The following ZMAT4 variants were observed in gnomAD, a reference collection of about 807,000 sequenced individuals.
The protein encoded by ZMAT4 is zinc finger matrin-type protein 4.
ZMAT4 carries 17 observed loss-of-function variants against 28.7 expected under a neutral mutation model. The observed-to-expected ratio is 0.59, with a 90% CI of 0.41 to 0.89. ZMAT4 has a LOEUF of 0.89. Among genes scored for constraint, ZMAT4 ranks in the 40% least tolerant of loss-of-function variants. The pLI is 0.00. For missense variants in ZMAT4, 240 were observed against 283.8 expected, an observed-to-expected ratio of 0.85 and a Z score of 1.11; for synonymous variants, 117 against 109.2, an observed-to-expected ratio of 1.07 and a Z score of -0.44.
intron 6 of ZMAT4, among the ~76,000 whole-genome samples, chr8:40,533,733 G>A (rs1802764155): frequency 6.6e-6 from 1 of 152,178 alleles, no homozygotes; most frequent in African/African-American, 2.4e-5. Flanking sequence ...GCTTTGAAAT[G>A]TTTGAAATTT....
intron 6 of ZMAT4, among the ~76,000 whole-genome samples, chr8:40,574,502 G>A (rs1804197644): frequency 6.6e-6 from 1 of 152,126 alleles, no homozygotes; most frequent in South Asian, 2.1e-4. Context: ...TATAAGTAAG[G>A]AGACAACAGC....
chr8:40,822,980 G>A (rs1004066651), intron 2 of ZMAT4, among the ~76,000 whole-genome samples: 1 of 152,136 alleles, frequency 6.6e-6, no homozygotes, highest in African/African-American at 2.4e-5. Flanking sequence ...ACAGGAAAAC[G>A]TGCAAAATAT....
At chr8:40,790,287 A>T (rs1736108336) in intron 2 of ZMAT4, among the ~76,000 whole-genome samples, 1 of 152,234 alleles carries the variant, frequency 6.6e-6, no homozygotes, top group Non-Finnish European at 1.5e-5. Flanking sequence ...AAGCTTCTAG[A>T]TCTAATTGGT....
intron 1 of ZMAT4, among the ~76,000 whole-genome samples, chr8:40,856,811 G>T (rs1215151767): frequency 2.6e-5 from 4 of 152,162 alleles, no homozygotes; most frequent in African/African-American, 9.7e-5. Context: ...AGGTCAGGGA[G>T]ATCTGGTCAG....
At chr8:40,813,451 C>T (rs1440145308) in intron 2 of ZMAT4, among the ~76,000 whole-genome samples, 1 of 152,244 alleles carries the variant, frequency 6.6e-6, no homozygotes, top group African/African-American at 2.4e-5. Flanking sequence ...CTAAGACCTG[C>T]TCTGCCTGCT....
At chr8:40,616,237 A>G (rs1806002015) in intron 5 of ZMAT4, among the ~76,000 whole-genome samples, 1 of 152,222 alleles carries the variant, frequency 6.6e-6, no homozygotes, top group South Asian at 2.1e-4. Context: ...TCAGGAAACA[A>G]CAGTGCTGGA....
At chr8:40,674,403 T>A (rs775952911) in intron 5 of ZMAT4, 7 of 308,744 alleles carry the variant, frequency 2.3e-5, no homozygotes, top group Non-Finnish European at 4.2e-5. Context: ...TACAAAAGCA[T>A]TTGGTAAAGA....
At chr8:40,807,709 A>G (rs1815144751) in intron 2 of ZMAT4, among the ~76,000 whole-genome samples, 1 of 152,126 alleles carries the variant, frequency 6.6e-6, no homozygotes, top group Admixed American at 6.6e-5. Flanking sequence ...CACTGAGAAA[A>G]CATTTCATGA....
intron 5 of ZMAT4, among the ~76,000 whole-genome samples, chr8:40,602,823 T>C (rs930769726): frequency 4.6e-5 from 7 of 152,240 alleles, no homozygotes; most frequent in African/African-American, 1.4e-4. Flanking sequence ...CTTCGTCAGA[T>C]GCATAGTGTG....
chr8:40,586,311 A>G (rs926468662), intron 5 of ZMAT4, among the ~76,000 whole-genome samples: 1 of 152,206 alleles, frequency 6.6e-6, no homozygotes, highest in Non-Finnish European at 1.5e-5. Context: ...GCGCAACACC[A>G]TATTAAGAGT....
At chr8:40,757,792 G>A (rs1184446059) in intron 3 of ZMAT4, among the ~76,000 whole-genome samples, 2 of 152,142 alleles carry the variant, frequency 1.3e-5, no homozygotes, top group Non-Finnish European at 2.9e-5. Flanking sequence ...GTGTCTGTGA[G>A]GTGTTGCCAA....
intron 3 of ZMAT4, among the ~76,000 whole-genome samples, chr8:40,721,093 G>A (rs1435291749): frequency 2.0e-4 from 28 of 142,946 alleles, no homozygotes; most frequent in Middle Eastern, 3.6e-3. Context: ...TCGTCATCTA[G>A]CATTAGGTAT....
Position 40,896,206 on chromosome 8 carries a change from G to A in ZMAT4, c.-5+1477C>T, listed in dbSNP as rs190343484. 1.8e-4 allele frequency among the ~76,000 whole-genome samples: 28 copies of A among 152,304 alleles called. No homozygotes were observed. The East Asian group carries it at 3.3e-3, about 18-fold the overall frequency. ...GGTTAAAGAAAATAAGAATTAAAAAGTGGAAGGGATTTGTGGAGCTGGAGA... is the reference window on the plus strand; with the variant it reads ...GGTTAAAGAAAATAAGAATTAAAAAATGGAAGGGATTTGTGGAGCTGGAGA... On this transcript the variant is annotated intron_variant, in intron 1 of 6. Coordinates refer to ENST00000297737, the MANE Select transcript of ZMAT4 (RefSeq NM_024645.3).
At chr8:40,882,699 A>G (rs1214676630) in intron 1 of ZMAT4, among the ~76,000 whole-genome samples, 1 of 152,022 alleles carries the variant, frequency 6.6e-6, no homozygotes, top group Non-Finnish European at 1.5e-5. Flanking sequence ...TGGCACCTGC[A>G]CTCCATCTAA....
intron 1 of ZMAT4, among the ~76,000 whole-genome samples, chr8:40,876,172 C>A (rs1818035249): frequency 6.6e-6 from 1 of 152,192 alleles, no homozygotes; most frequent in Non-Finnish European, 1.5e-5. Context: ...TTCTTATTTT[C>A]TTCTGTCCCT....
At chr8:40,699,025 C>A (rs6994153) in intron 3 of ZMAT4, among the ~76,000 whole-genome samples, 22 of 152,116 alleles carry the variant, frequency 1.4e-4, no homozygotes, top group African/African-American at 4.8e-4. Flanking sequence ...CAAAATAGTA[C>A]GAATACTTTT....
intron 5 of ZMAT4, among the ~76,000 whole-genome samples, chr8:40,639,149 A>G (rs1312881983): frequency 2.6e-5 from 4 of 152,196 alleles, no homozygotes. Context: ...CTGGAGAAAC[A>G]TGGACCGGCC....
In ZMAT4 at chr8:40,579,702, C is replaced by T. The variant is rs188196133; in HGVS notation, c.674+1463G>A. Reference sequence around the variant, plus strand: ...GCTTGTAATGCTCCATTTCATACTCCTGCTTAGAAAACTGTTACTCATCTT... The same window carrying T: ...GCTTGTAATGCTCCATTTCATACTCTTGCTTAGAAAACTGTTACTCATCTT... On this transcript the variant is annotated intron_variant, in intron 6 of 6. Coordinates refer to ENST00000297737, the MANE Select transcript of ZMAT4 (RefSeq NM_024645.3). Among the ~76,000 whole-genome samples, 298 of 152,274 alleles carry T rather than the reference C, an allele frequency of 2.0e-3. 4 individuals are homozygous for T. Among genetic ancestry groups the T allele is most frequent in the African/African-American group, 6.7e-3 (280 of 41,560 alleles).
At chr8:40,535,157 C>A (rs1170044185) in intron 6 of ZMAT4, among the ~76,000 whole-genome samples, 1 of 152,128 alleles carries the variant, frequency 6.6e-6, no homozygotes, top group Non-Finnish European at 1.5e-5. Context: ...CTGTGATGTT[C>A]AGCCCCTATT....
Sources: gnomAD v4.1 joint callset for allele counts (sites outside exome capture counted in the v4.1 genomes callset) on GRCh38, gnomAD v4.1.1 for gene constraint, MANE v1.5 for transcripts, NCBI Gene and HGNC (gene_info 2026-07-23, HGNC 2026-07-21) for gene names.